TRMT2B: variants seen among roughly 807,000 people sequenced by gnomAD.
TRMT2B encodes tRNA (uracil-5-)-methyltransferase homolog B.
In TRMT2B, 34 loss-of-function variants were observed where a neutral mutation model predicts 39.7. The ratio of observed to expected loss-of-function variants is 0.86; its 90% CI spans 0.65 to 1.14. The LOEUF (loss-of-function observed/expected upper bound fraction) is 1.14. Among genes scored for constraint, TRMT2B ranks in the 50% most tolerant of loss-of-function variants. TRMT2B has a pLI of 0.00. For missense variants in TRMT2B, 318 were observed against 377.2 expected, an observed-to-expected ratio of 0.84 and a Z score of 1.30; for synonymous variants, 132 against 137.3, an observed-to-expected ratio of 0.96 and a Z score of 0.27.
At chrX:100,975,645 T>C in the TRMT2B span, among the ~76,000 whole-genome samples, 4 of 108,934 alleles carry the variant, frequency 3.7e-5, no homozygotes, top group Non-Finnish European at 7.6e-5. Flanking sequence ...TTTTTTTTTT[T>C]TCTCTGAGAC....
At chrX:100,988,599 G>C in the TRMT2B span, 1 of 894,265 alleles carries the variant, frequency 1.1e-6, no homozygotes, top group Non-Finnish European at 1.4e-6. Context: ...ATTTACATAG[G>C]CCTTCCCTAA....
chrX:100,985,885 G>A, the TRMT2B span: 35 of 1,207,811 alleles, frequency 2.9e-5, no homozygotes, highest in Non-Finnish European at 3.9e-5. Context: ...TCTGCTGTCC[G>A]ATAAAAGAGT....
chrX:100,998,253 C>T, the TRMT2B span, among the ~76,000 whole-genome samples: 3,947 of 86,613 alleles, frequency 0.046, 115 homozygotes, highest in Non-Finnish European at 0.065. Context: ...GAGTGAGACT[C>T]CATCTCAAAA....
At chrX:101,029,823 G>A in intron 7 of TRMT2B, among the ~76,000 whole-genome samples, 1 of 111,748 alleles carries the variant, frequency 8.9e-6, no homozygotes, top group African/African-American at 3.2e-5. Flanking sequence ...CCACAGAGGG[G>A]GACCTGATAA....
intron 13 of TRMT2B, among the ~76,000 whole-genome samples, chrX:101,017,948 G>A (rs2086603598): frequency 8.9e-6 from 1 of 111,812 alleles, no homozygotes; most frequent in Non-Finnish European, 1.9e-5. Flanking sequence ...TGAAAATATT[G>A]GGCCAGACAT....
At position 101,021,088 on chromosome X, in the gene TRMT2B, G is replaced by A. The variant is rs1156314620; in HGVS notation, c.1066+13C>T. ...TGAGCAGCATGCAGATTCTGCCCTG[G>A]GCTTCCACTTGCCAGTTCCACAGCA... On this transcript the variant is annotated intron_variant, in intron 10 of 13. Coordinates refer to ENST00000372936, the MANE Select transcript of TRMT2B (RefSeq NM_024917.6). 1.7e-6 allele frequency: 2 copies of A among 1,205,869 alleles called. No homozygotes were observed. Among genetic ancestry groups the A allele is most frequent in the East Asian group, 3.0e-5 (1 of 33,804 alleles).
chrX:101,038,507 G>A (rs1235188099), intron 4 of TRMT2B, among the ~76,000 whole-genome samples: 1 of 111,023 alleles, frequency 9.0e-6, no homozygotes, highest in Non-Finnish European at 1.9e-5. Context: ...AACCCAGAAT[G>A]AAGGAACAAA....
At chrX:101,010,896 A>T (rs900556471) in intron 13 of TRMT2B, among the ~76,000 whole-genome samples, 189 bp from the exon 14 acceptor site, 3 of 111,857 alleles carry the variant, frequency 2.7e-5, no homozygotes, top group Non-Finnish European at 3.8e-5. Context: ...TAATCTTTTT[A>T]AGGGTAGAAA....
chrX:101,041,301 T>C lies in TRMT2B; in HGVS notation c.303+16A>G, dbSNP rs1313502922. 1 of 1,207,192 alleles carries C rather than the reference T, an allele frequency of 8.3e-7. No homozygotes were observed. The highest frequency in any genetic ancestry group is 1.1e-6 in the Non-Finnish European group (1 of 891,915). ...CTCCTGGAAAGGAGGGGTAAAGACT[T>C]AGGCTGGGCACCTACCTTGAGCTGT... On this transcript the variant is annotated intron_variant, in intron 4 of 13. Coordinates refer to ENST00000372936, the MANE Select transcript of TRMT2B (RefSeq NM_024917.6).
At chrX:101,003,495 T>A in the TRMT2B span, among the ~76,000 whole-genome samples, 5 of 110,311 alleles carry the variant, frequency 4.5e-5, no homozygotes, top group Admixed American at 2.9e-4. Context: ...ATTACAGGTG[T>A]GTGCCACCAC....
intron 5 of TRMT2B, 54 bp from the exon 6 acceptor site, chrX:101,037,127 A>G: frequency 6.4e-6 from 6 of 935,296 alleles, no homozygotes; most frequent in Non-Finnish European, 7.8e-6. Context: ...AAACCAAGGA[A>G]GATAACAATA....
rs2087794811 is a variant in TRMT2B, at chrX:101,035,684, C to G, written c.539-1G>C. On this transcript the variant is annotated splice_acceptor_variant, in intron 6 of 13. Transcript: ENST00000372936. LOFTEE classifies it high-confidence loss of function. ...GACTGCACACAGACAACGTTCCCAT[C>G]TATGGAAAGAAAAATAATTTGCATG... is the stretch of plus-strand genomic sequence containing the variant. 8.3e-7 allele frequency: 1 copy of G among 1,199,764 alleles called. No individual in the cohort carries two copies. The highest frequency in any genetic ancestry group is 3.0e-5 in the East Asian group (1 of 33,767).
chrX:101,051,707 G>A lies in TRMT2B; in HGVS notation c.-480C>T, dbSNP rs1983549026. On this transcript the variant is annotated 5_prime_UTR_variant, in exon 2 of 14. Transcript: ENST00000372936. Reference sequence around the variant, plus strand: ...CTGCCTCCTCCATTCCCCGCCCCGCGGACAGTTTGGCATAGTAGGGAGTTT... The same window carrying A: ...CTGCCTCCTCCATTCCCCGCCCCGCAGACAGTTTGGCATAGTAGGGAGTTT... The A allele has an allele frequency of 1.6e-5, 12 of 754,779 alleles. No homozygotes were observed. The highest frequency in any genetic ancestry group is 1.7e-5 in the Non-Finnish European group (11 of 639,409). The allele number at this position is 754,779 out of a possible 1,213,427, so 62.2% of individuals were successfully genotyped here.
At chrX:100,987,535 GAGA>G in the TRMT2B span, 3 of 1,211,046 alleles carry the variant, frequency 2.5e-6, no homozygotes, top group Non-Finnish European at 3.4e-6. Flanking sequence ...ACAGGCTCTG[GAGA>G]AAGATGCTCA....
At chrX:101,035,029 CAAAAAAT>C (rs200843929) in intron 7 of TRMT2B, among the ~76,000 whole-genome samples, 4,319 of 110,071 alleles carry the variant, frequency 0.039, 244 homozygotes, top group African/African-American at 0.14. Flanking sequence ...GAGACTGTCT[CAAAAAAT>C]AAAAAATAAA....
the TRMT2B span, among the ~76,000 whole-genome samples, chrX:100,976,145 A>G: frequency 1.8e-5 from 2 of 109,993 alleles, no homozygotes; most frequent in Non-Finnish European, 1.9e-5. Context: ...GATTATTGAA[A>G]AACGTGGGGA....
At chrX:101,009,068 T>C (rs1482502263), downstream of TRMT2B, among the ~76,000 whole-genome samples, 2 of 111,731 alleles carry the variant, frequency 1.8e-5, no homozygotes, top group Non-Finnish European at 3.8e-5. Flanking sequence ...GTGTCTCCTC[T>C]TGTGGCTATA....
downstream of TRMT2B, among the ~76,000 whole-genome samples, chrX:101,006,705 C>T (rs939246340): frequency 1.3e-4 from 14 of 109,033 alleles, no homozygotes; most frequent in Admixed American, 3.0e-4. Context: ...TGGGAGGCTG[C>T]GATAGGAGGA....
chrX:101,009,459 C>G lies in TRMT2B; in HGVS notation c.*1122G>C, dbSNP rs1021061354. 1 of 109,886 alleles carries G rather than the reference C, an allele frequency of 9.1e-6. No homozygotes were observed. Among genetic ancestry groups the G allele is most frequent in the Admixed American group, 1.0e-4 (1 of 9,995 alleles). 9.1% of individuals were successfully genotyped at this position (109,886 alleles called of 1,213,427 possible). On this transcript the variant is annotated 3_prime_UTR_variant, in exon 14 of 14. Transcript: ENST00000372936. ...CAGTCTCTCTGAAAATCTCCTTTCC[C>G]TTAGGGTCTCTCCAATAACCAATTC...
Sources: allele counts gnomAD v4.1 joint callset (sites outside exome capture counted in the v4.1 genomes callset), GRCh38; gene constraint gnomAD v4.1.1; transcripts MANE v1.5; gene names NCBI Gene and HGNC (gene_info 2026-07-23, HGNC 2026-07-21).